RELCH: variants seen among roughly 807,000 people sequenced by gnomAD.
RELCH encodes RAB11 binding and LisH domain, coiled-coil and HEAT repeat containing.
Under a neutral mutation model 150.3 loss-of-function variants are expected in RELCH, and 41 were observed. The ratio of observed to expected loss-of-function variants is 0.27; its 90% CI spans 0.21 to 0.35. The LOEUF (loss-of-function observed/expected upper bound fraction) is 0.35, where lower values mean the gene tolerates loss of function less well. Among genes scored for constraint, RELCH ranks in the 10% least tolerant of loss-of-function variants. The pLI, the probability that RELCH is intolerant of heterozygous loss-of-function variation, is 1.00. For missense variants in RELCH, 1,092 were observed against 1,467.8 expected (o/e 0.74, Z 4.18); for synonymous variants, 478 against 531.8 (o/e 0.90, Z 1.39).
chr18:62,252,801 C>G, intron 12 of RELCH, 47 bp downstream of exon 12: 1 of 1,356,454 alleles, frequency 7.4e-7, no homozygotes, highest in Non-Finnish European at 1.1e-6. Context: ...AGCCTGATTT[C>G]TTAAGAAGAT....
rs1008031995 is a variant in RELCH at position 62,280,789 on chromosome 18, G to A, written c.3114+80G>A. On this transcript the variant is annotated intron_variant, in intron 24 of 28. Coordinates refer to ENST00000644646, the MANE Select transcript of RELCH (RefSeq NM_001346231.2). ...CATGTATCTGGTGGTAGGCTGCAGG[G>A]AGCATCTTACCTTTTATTTTGTGCC... 6 of 948,956 alleles carry A rather than the reference G, an allele frequency of 6.3e-6. No individual in the cohort carries two copies. In the African/African-American group the frequency reaches 8.1e-5, roughly 13 times the overall value. The allele number at this position is 948,956 out of a possible 1,614,324, so 58.8% of individuals were successfully genotyped here.
chr18:62,266,477 TG>T (rs999125033), intron 18 of RELCH, among the ~76,000 whole-genome samples: 3 of 151,896 alleles, frequency 2.0e-5, no homozygotes, highest in Non-Finnish European at 2.9e-5. Flanking sequence ...TGACTTGAGT[TG>T]ATTTTTTCAA....
chr18:62,231,206 T>C lies in RELCH; in HGVS notation c.1461T>C (p.Pro487=), dbSNP rs775754300. ...CATTTTCTTCTAGGAAATTGTCTCC[T>C]GCATTCCATCAAGCACTACTCTCTT... ...HFDKPNRKLS[P]AFHQALLSFC... is the part of the protein sequence containing the mutation. Residue 487 remains proline, a synonymous_variant, in exon 9 of 29, where the codon CCT becomes CCC. Transcript: ENST00000644646. 6.2e-7 allele frequency: 1 copy of C among 1,600,744 alleles called. No homozygotes were observed. Among genetic ancestry groups the C allele is most frequent in the East Asian group, 2.3e-5 (1 of 44,396 alleles).
At chr18:62,232,539 T>A in intron 10 of RELCH, 112 bp downstream of exon 10, 1 of 658,900 alleles carries the variant, frequency 1.5e-6, no homozygotes, top group Non-Finnish European at 2.7e-6. Context: ...TTACTTGCAA[T>A]CATATTCTTA....
chr18:62,198,802 AT>A (rs1263586853), intron 1 of RELCH, among the ~76,000 whole-genome samples: 4 of 152,102 alleles, frequency 2.6e-5, no homozygotes, highest in Non-Finnish European at 4.4e-5. Flanking sequence ...TAGCAAAAAA[AT>A]ATATATTACA....
chr18:62,260,126 T>C (rs2043180950), intron 15 of RELCH, among the ~76,000 whole-genome samples: 1 of 146,148 alleles, frequency 6.8e-6, no homozygotes, highest in Non-Finnish European at 1.5e-5. Flanking sequence ...GGAGAAAATA[T>C]TTGCAAACTC....
chr18:62,191,475 G>A (rs1223464125), intron 1 of RELCH, among the ~76,000 whole-genome samples: 2 of 152,048 alleles, frequency 1.3e-5, no homozygotes, highest in Non-Finnish European at 2.9e-5. Flanking sequence ...GCAGATTGGT[G>A]ACATAGGTAG....
chr18:62,203,253 C>T (rs1253837178), intron 1 of RELCH, among the ~76,000 whole-genome samples: 4 of 151,998 alleles, frequency 2.6e-5, no homozygotes, highest in Non-Finnish European at 2.9e-5. Flanking sequence ...GTCAAGAGAT[C>T]GAGACCATCC....
rs68067609 is a variant in RELCH, at chr18:62,253,267, TTGTGTGTGTGTGTGTGTG to T, written c.1824+541_1824+558del. Among the ~76,000 whole-genome samples the T allele has an allele frequency of 2.6e-3, 359 of 136,542 alleles. 2 individuals carry two copies. The highest frequency in any genetic ancestry group is 8.5e-3 in the African/African-American group (321 of 37,926). The allele number at this position is 136,542 out of a possible 152,430, so 89.6% of individuals were successfully genotyped here. On this transcript the variant is annotated intron_variant, in intron 12 of 28. Coordinates refer to ENST00000644646, the MANE Select transcript of RELCH (RefSeq NM_001346231.2). ...TATACTTGAAGAAACAGCAAGAAGATTGTGTGTGTGTGTGTGTGTGTGTGTGTGTGTGTGTGTGTGTGT... is the reference window on the plus strand; with the variant it reads ...TATACTTGAAGAAACAGCAAGAAGATTGTGTGTGTGTGTGTGTGTGTGTGT...
At chr18:62,212,050 C>T (rs1478594408) in intron 2 of RELCH, among the ~76,000 whole-genome samples, 1 of 152,206 alleles carries the variant, frequency 6.6e-6, no homozygotes, top group Non-Finnish European at 1.5e-5. Flanking sequence ...TCCCATCCCC[C>T]CATCCTCTCT....
intron 1 of RELCH, among the ~76,000 whole-genome samples, chr18:62,193,482 A>G (rs544306507): frequency 6.6e-6 from 1 of 152,238 alleles, no homozygotes; most frequent in Non-Finnish European, 1.5e-5. Context: ...CCCATTCAGT[A>G]TGATATTGGC....
At chr18:62,195,312 G>GTA (rs1491381622) in intron 1 of RELCH, among the ~76,000 whole-genome samples, 1 of 150,454 alleles carries the variant, frequency 6.6e-6, no homozygotes, top group Admixed American at 6.6e-5. Context: ...GTGTGTGTGT[G>GTA]TATACACTGT....
chr18:62,194,264 A>C (rs1220715461), intron 1 of RELCH, among the ~76,000 whole-genome samples: 1 of 152,160 alleles, frequency 6.6e-6, no homozygotes. Flanking sequence ...CCCAAAAAAC[A>C]GTGTGTCTTG....
intron 15 of RELCH, among the ~76,000 whole-genome samples, chr18:62,259,669 A>C (rs2043161922): frequency 1.3e-5 from 2 of 152,008 alleles, no homozygotes; most frequent in Non-Finnish European, 2.9e-5. Context: ...AAAGACCCTG[A>C]ATAACCAAAG....
chr18:62,230,192 A>T (rs573399688), intron 8 of RELCH, among the ~76,000 whole-genome samples: 1 of 152,074 alleles, frequency 6.6e-6, no homozygotes, highest in African/African-American at 2.4e-5. Context: ...GCCAGGGACG[A>T]TGGGATGTGC....
At chr18:62,255,604 G>T (rs2042956779) in intron 13 of RELCH, 126 bp downstream of exon 13, 2 of 713,560 alleles carry the variant, frequency 2.8e-6, no homozygotes. Flanking sequence ...GAAAAGAGAT[G>T]ATCCAAAAAA....
At chr18:62,268,629 C>T (rs1198932982) in intron 19 of RELCH, 2 of 232,936 alleles carry the variant, frequency 8.6e-6, no homozygotes, top group Admixed American at 1.1e-4. Context: ...CAAGAGTATA[C>T]CATCTCATTT....
rs146471423 is a variant in RELCH at position 62,214,953 on chromosome 18, A to C, written c.616+3711A>C. ...CTGAAAGAGCTCTGCAATGGCTTCAAGGTCTTTCTCCCATTGTCTTGATGT... is the reference window on the plus strand; with the variant it reads ...CTGAAAGAGCTCTGCAATGGCTTCACGGTCTTTCTCCCATTGTCTTGATGT... On this transcript the variant is annotated intron_variant, in intron 2 of 28. Transcript: ENST00000644646. Among the ~76,000 whole-genome samples, 982 of 152,244 alleles carry C rather than the reference A, an allele frequency of 6.5e-3. 6 individuals carry two copies. The highest frequency in any genetic ancestry group is 0.011 in the Non-Finnish European group (721 of 68,006).
intron 8 of RELCH, among the ~76,000 whole-genome samples, chr18:62,230,751 A>ATT (rs2041517801): frequency 6.6e-6 from 1 of 152,054 alleles, no homozygotes; most frequent in Non-Finnish European, 1.5e-5. Flanking sequence ...TATCATTAGC[A>ATT]TTATATATAT....
Sources: gnomAD v4.1 joint callset for allele counts (sites outside exome capture counted in the v4.1 genomes callset) on GRCh38, gnomAD v4.1.1 for gene constraint, MANE v1.5 for transcripts, NCBI Gene and HGNC (gene_info 2026-07-23, HGNC 2026-07-21) for gene names.